Variants in PKIG observed in about 807,000 individuals in gnomAD.
PKIG encodes the protein protein kinase (cAMP-dependent, catalytic) inhibitor gamma.
A neutral mutation model predicts 6.8 loss-of-function variants in PKIG; 1 was observed. That is an observed-to-expected ratio of 0.15 (90% CI 0.05 to 0.69). PKIG has a LOEUF of 0.69. Ranked by LOEUF, PKIG falls within the 30% of genes least tolerant of loss-of-function variation. The probability of loss-of-function intolerance (pLI) is 0.82; values close to 1 mark genes in which losing one functional copy is unlikely to be tolerated. For missense variants in PKIG, 77 were observed against 104.0 expected, an observed-to-expected ratio of 0.74 and a Z score of 1.13; for synonymous variants, 39 against 43.0, an observed-to-expected ratio of 0.91 and a Z score of 0.36.
intron 1 of PKIG, among the ~76,000 whole-genome samples, chr20:44,585,421 G>C: frequency 6.6e-6 from 1 of 152,182 alleles, no homozygotes; most frequent in African/African-American, 2.4e-5. Context: ...TCACACACAG[G>C]GCTGGGCATC....
In PKIG at chr20:44,542,956, G is replaced by T. The variant is rs147927450; in HGVS notation, c.-241+10978G>T. ...TGATAAGTATAGTATACTTAGGAAG[G>T]TTAGGAGAACAGAATATTTTGAAGA... On this transcript the variant is annotated intron_variant, in intron 1 of 4. Transcript: ENST00000372887. Among the ~76,000 whole-genome samples the T allele has an allele frequency of 5.0e-3, 761 of 152,308 alleles. 7 individuals are homozygous for T. The highest frequency in any genetic ancestry group is 8.2e-3 in the Non-Finnish European group (555 of 68,028).
chr20:44,611,034 T>G (rs987524069), intron 2 of PKIG, among the ~76,000 whole-genome samples: 1 of 152,036 alleles, frequency 6.6e-6, no homozygotes, highest in African/African-American at 2.4e-5. Context: ...TCTGTAGTTA[T>G]TTTGTAATAT....
intron 1 of PKIG, among the ~76,000 whole-genome samples, chr20:44,574,079 T>G (rs1410707324): frequency 1.3e-5 from 2 of 152,236 alleles, no homozygotes; most frequent in East Asian, 3.8e-4. Flanking sequence ...TGGTGGTTAC[T>G]TCTATTTCTC....
intron 3 of PKIG, among the ~76,000 whole-genome samples, chr20:44,616,451 C>CT (rs1214715758): frequency 2.4e-4 from 36 of 152,216 alleles, no homozygotes; most frequent in Non-Finnish European, 3.1e-4. Flanking sequence ...GCCCTGGGCT[C>CT]TCTCTCAAGG....
chr20:44,539,993 T>G (rs1202469654), intron 1 of PKIG, among the ~76,000 whole-genome samples: 1 of 152,202 alleles, frequency 6.6e-6, no homozygotes, highest in Non-Finnish European at 1.5e-5. Flanking sequence ...AGTCTCGTTC[T>G]GTTGCCCAGG....
chr20:44,573,128 G>C (rs1360925672), intron 1 of PKIG, among the ~76,000 whole-genome samples: 4 of 152,244 alleles, frequency 2.6e-5, no homozygotes, highest in Non-Finnish European at 5.9e-5. Context: ...GGCTGCCTGT[G>C]CCAGCAACTC....
chr20:44,606,852 T>G (rs1473272793), intron 2 of PKIG, among the ~76,000 whole-genome samples: 1 of 152,204 alleles, frequency 6.6e-6, no homozygotes, highest in Admixed American at 6.5e-5. Context: ...TGCCCCTTTT[T>G]GCCTTTCTGC....
chr20:44,534,202 C>T (rs2064492799), intron 1 of PKIG, among the ~76,000 whole-genome samples: 1 of 152,090 alleles, frequency 6.6e-6, no homozygotes, highest in African/African-American at 2.4e-5. Context: ...TGAGAAGACA[C>T]AGGATATGAA....
chr20:44,574,291 C>G (rs540680031), intron 1 of PKIG, among the ~76,000 whole-genome samples: 1 of 152,134 alleles, frequency 6.6e-6, no homozygotes, highest in African/African-American at 2.4e-5. Context: ...TCCTTTTAGG[C>G]GTTTGATCTA....
intron 1 of PKIG, among the ~76,000 whole-genome samples, chr20:44,548,175 T>C (rs1417678750): frequency 6.6e-6 from 1 of 152,032 alleles, no homozygotes; most frequent in East Asian, 1.9e-4. Flanking sequence ...CAAGACTGTC[T>C]AGAAAAACAA....
chr20:44,603,241 T>C (rs998679070), intron 2 of PKIG, among the ~76,000 whole-genome samples: 1 of 152,204 alleles, frequency 6.6e-6, no homozygotes, highest in African/African-American at 2.4e-5. Context: ...AGGAGCTGAA[T>C]GAAATGTCCA....
chr20:44,547,413 G>A (rs1437499173), intron 1 of PKIG, among the ~76,000 whole-genome samples: 1 of 152,202 alleles, frequency 6.6e-6, no homozygotes, highest in Non-Finnish European at 1.5e-5. Flanking sequence ...ATGACATCAG[G>A]ATGCTGATTT....
intron 1 of PKIG, among the ~76,000 whole-genome samples, chr20:44,545,983 C>A (rs1209256248): frequency 6.6e-6 from 1 of 152,032 alleles, no homozygotes; most frequent in Admixed American, 6.6e-5. Context: ...CACAGTGGCT[C>A]ATGTCTATAA....
At chr20:44,549,366 A>G (rs2064647126) in intron 1 of PKIG, among the ~76,000 whole-genome samples, 2 of 152,022 alleles carry the variant, frequency 1.3e-5, no homozygotes, top group South Asian at 4.1e-4. Flanking sequence ...TTCCCCATAT[A>G]CTGTTCTGTG....
At chr20:44,581,255 G>T (rs2064945822), upstream of PKIG, among the ~76,000 whole-genome samples, 1 of 152,152 alleles carries the variant, frequency 6.6e-6, no homozygotes. Flanking sequence ...TTCTCCTAAG[G>T]ATGTTATGAG....
At chr20:44,576,158 AGTGTGTGTGTGTGT>A (rs3221821) in intron 1 of PKIG, among the ~76,000 whole-genome samples, 8 of 140,490 alleles carry the variant, frequency 5.7e-5, no homozygotes, top group East Asian at 4.2e-4. Context: ...GACTAAGTAG[AGTGTGTGTGTGTGT>A]GTGTGTGTGT....
chr20:44,618,230 T>C, intron 3 of PKIG, 55 bp from the exon 4 acceptor site: 2 of 1,150,328 alleles, frequency 1.7e-6, no homozygotes, highest in Non-Finnish European at 2.6e-6. Context: ...CACCTCCTTC[T>C]GTGCATTACT....
chr20:44,570,907 A>C (rs1163112099), intron 1 of PKIG, among the ~76,000 whole-genome samples: 3 of 152,142 alleles, frequency 2.0e-5, no homozygotes, highest in Non-Finnish European at 2.9e-5. Flanking sequence ...TATAATTCAA[A>C]AATTCCTAGA....
At chr20:44,540,313 C>T (rs564165308) in intron 1 of PKIG, among the ~76,000 whole-genome samples, 49 of 152,090 alleles carry the variant, frequency 3.2e-4, no homozygotes, top group African/African-American at 1.2e-3. Flanking sequence ...GTTTCCCAGT[C>T]AAGGATTCAT....
Sources: allele counts gnomAD v4.1 joint callset (sites outside exome capture counted in the v4.1 genomes callset), GRCh38; gene constraint gnomAD v4.1.1; transcripts MANE v1.5; gene names NCBI Gene and HGNC (gene_info 2026-07-23, HGNC 2026-07-21).